The following PARD3B variants were observed in gnomAD, a reference collection of about 807,000 sequenced individuals.
PARD3B encodes the protein par-3 family cell polarity regulator beta.
PARD3B carries 103 observed loss-of-function variants against 130.2 expected under a neutral mutation model. The ratio of observed to expected loss-of-function variants is 0.79; its 90% confidence interval spans 0.67 to 0.93. The LOEUF (loss-of-function observed/expected upper bound fraction) is 0.93. Ranked by LOEUF, PARD3B falls within the 40% of genes least tolerant of loss-of-function variation. The pLI is 0.00. For missense variants in PARD3B, 1,609 were observed against 1,499.2 expected (o/e 1.07, Z -1.21); for synonymous variants, 583 against 553.2 (o/e 1.05, Z -0.76).
At chr2:205,555,632 T>C (rs1482842402) in intron 22 of PARD3B, among the ~76,000 whole-genome samples, 1 of 152,150 alleles carries the variant, frequency 6.6e-6, no homozygotes, top group African/African-American at 2.4e-5. Flanking sequence ...AGAATAAAAC[T>C]GTAGCTGAAA....
At chr2:204,874,096 T>C (rs1358438429) in intron 2 of PARD3B, among the ~76,000 whole-genome samples, 1 of 152,148 alleles carries the variant, frequency 6.6e-6, no homozygotes. Flanking sequence ...TGAGCCCAGA[T>C]TGCACCATCG....
In PARD3B at chr2:205,125,517, G is replaced by A; in HGVS notation, c.1306-92G>A. 7.1e-7 allele frequency: 1 copy of A among 1,400,184 alleles called. No homozygotes were observed. The highest frequency in any genetic ancestry group is 9.7e-7 in the Non-Finnish European group (1 of 1,025,690). 86.7% of individuals were successfully genotyped at this position (1,400,184 alleles called of 1,614,324 possible). A position where few individuals can be genotyped will look rare whatever the true frequency, so the allele number is the denominator to read the frequency against. On this transcript the variant is annotated intron_variant, in intron 9 of 22. Transcript: ENST00000406610. The surrounding 1 kb of genome is among the most constrained non-coding windows in gnomAD (Gnocchi z 4.0). ...TTTCAGAGCTTCCTCAAGTATGGGA[G>A]CCCATTTGCTTCTTGTTTTCAAAAA...
At chr2:204,883,455 A>AAAATATATATATATATATATATT (rs2046146837) in intron 2 of PARD3B, among the ~76,000 whole-genome samples, 26 of 77,274 alleles carry the variant, frequency 3.4e-4, no homozygotes, top group East Asian at 7.7e-4. Context: ...ATATATATAT[A>AAAATATATATATATATATATATT]TTTTTTTTTT....
rs1344472523 is a variant in PARD3B at position 204,943,851 on chromosome 2, CTG to C, written c.223-21300_223-21299del. 6.6e-6 allele frequency among the ~76,000 whole-genome samples: 1 copy of C among 152,020 alleles called. No individual in the cohort carries two copies. The highest frequency in any genetic ancestry group is 1.9e-4 in the East Asian group (1 of 5,162). On this transcript the variant is annotated intron_variant, in intron 2 of 22. Transcript: ENST00000406610. This position sits in a 1 kb window ranked among gnomAD's most constrained non-coding sequence, Gnocchi z 4.2. ...CAAAGTTATATATAACACTAGAAAA[CTG>C]AGATTTCAGAGGGGAAACAAAGTTA...
At chr2:205,085,184 A>G (rs1167896561) in intron 4 of PARD3B, among the ~76,000 whole-genome samples, 1 of 151,984 alleles carries the variant, frequency 6.6e-6, no homozygotes, top group Non-Finnish European at 1.5e-5. Context: ...TTTTTTCTTT[A>G]TGTAATTAAT....
intron 3 of PARD3B, among the ~76,000 whole-genome samples, chr2:205,041,283 A>C (rs1456832876): frequency 6.6e-6 from 1 of 152,162 alleles, no homozygotes; most frequent in Non-Finnish European, 1.5e-5. Context: ...AAGACATTTT[A>C]GATTAAAAGC....
intron 20 of PARD3B, among the ~76,000 whole-genome samples, chr2:205,444,186 T>C (rs1022365258): frequency 2.6e-5 from 4 of 152,210 alleles, no homozygotes; most frequent in African/African-American, 7.2e-5. Context: ...TTTTGCCACG[T>C]TGACCAGGCT....
At chr2:204,971,834 A>ATTT (rs3038727) in intron 3 of PARD3B, among the ~76,000 whole-genome samples, 5 of 131,218 alleles carry the variant, frequency 3.8e-5, no homozygotes, top group East Asian at 2.2e-4. Flanking sequence ...TTTTGTTTTA[A>ATTT]TTTTTTTTTT....
intron 2 of PARD3B, among the ~76,000 whole-genome samples, chr2:204,832,001 T>A (rs1196124056): frequency 6.6e-6 from 1 of 152,118 alleles, no homozygotes; most frequent in Non-Finnish European, 1.5e-5. Flanking sequence ...GATGGGCGGA[T>A]CATGAGGTCA....
intron 10 of PARD3B, among the ~76,000 whole-genome samples, chr2:205,157,901 A>G (rs1364793462): frequency 6.6e-6 from 1 of 152,176 alleles, no homozygotes; most frequent in African/African-American, 2.4e-5. Flanking sequence ...GGGACCAAAT[A>G]TGATTAACCA....
At chr2:205,118,766 G>T (rs1404966464) in intron 6 of PARD3B, among the ~76,000 whole-genome samples, 155 bp from the exon 7 acceptor site, 1 of 151,950 alleles carries the variant, frequency 6.6e-6, no homozygotes, top group East Asian at 1.9e-4. Context: ...GGCTTTTTTT[G>T]GATTAGGGAT....
At chr2:205,431,950 A>G (rs989044996) in intron 19 of PARD3B, among the ~76,000 whole-genome samples, 4 of 152,166 alleles carry the variant, frequency 2.6e-5, no homozygotes, top group Non-Finnish European at 5.9e-5. Flanking sequence ...TCTTCTCTAA[A>G]GTTAAGACTT....
At chr2:205,060,349 G>A (rs1219700012) in intron 4 of PARD3B, among the ~76,000 whole-genome samples, 1 of 152,194 alleles carries the variant, frequency 6.6e-6, no homozygotes, top group South Asian at 2.1e-4. Context: ...CTCTGTGAAG[G>A]AGAAAATTTT....
rs849193 is a variant in PARD3B, at chr2:205,321,919, G to A, written c.2630+20218G>A. Among the ~76,000 whole-genome samples the A allele has an allele frequency of 0.91, 138,495 of 152,292 alleles. 63,165 individuals carry two copies. The highest frequency in any genetic ancestry group is 0.94 in the Admixed American group (14,429 of 15,298). ...GCAAATATCCTTGTGATAAAGCGTCGGTAACCATTAAATTTGGTGCAGAGT... is the reference window on the plus strand; with the variant it reads ...GCAAATATCCTTGTGATAAAGCGTCAGTAACCATTAAATTTGGTGCAGAGT... On this transcript the variant is annotated intron_variant, in intron 18 of 22. Transcript: ENST00000406610. This position sits in a 1 kb window ranked among gnomAD's most constrained non-coding sequence, Gnocchi z 4.2.
chr2:204,811,537 G>A (rs1185333214), intron 2 of PARD3B, among the ~76,000 whole-genome samples: 1 of 152,020 alleles, frequency 6.6e-6, no homozygotes, highest in Admixed American at 6.6e-5. Context: ...TTTGATGCTG[G>A]GTGAGATGGA....
intron 2 of PARD3B, among the ~76,000 whole-genome samples, chr2:204,704,483 A>G (rs539501257): frequency 2.6e-5 from 4 of 152,298 alleles, no homozygotes; most frequent in Non-Finnish European, 5.9e-5. Flanking sequence ...AACAATCTTC[A>G]TAAAGAACCA....
intron 2 of PARD3B, among the ~76,000 whole-genome samples, chr2:204,867,262 A>G (rs971641432): frequency 6.6e-6 from 1 of 152,192 alleles, no homozygotes; most frequent in African/African-American, 2.4e-5. Context: ...GGCATAAAAC[A>G]AAACAAAACA....
intron 1 of PARD3B, among the ~76,000 whole-genome samples, chr2:204,651,184 A>G (rs1207552190): frequency 6.6e-6 from 1 of 152,224 alleles, no homozygotes; most frequent in Non-Finnish European, 1.5e-5. Context: ...AACTCATTCT[A>G]GCATTAACCC....
chr2:205,518,023 A>G (rs2050866832), intron 21 of PARD3B, among the ~76,000 whole-genome samples: 1 of 152,136 alleles, frequency 6.6e-6, no homozygotes, highest in Non-Finnish European at 1.5e-5. Flanking sequence ...GTTTTACAGT[A>G]TGTGCCATGT....
Sources: gnomAD v4.1 joint callset for allele counts (sites outside exome capture counted in the v4.1 genomes callset) on GRCh38, gnomAD v4.1.1 for gene constraint, Gnocchi (gnomAD v3.1) non-coding constraint, MANE v1.5 for transcripts, NCBI Gene and HGNC (gene_info 2026-07-23, HGNC 2026-07-21) for gene names.